ARHGAP25: variants seen among roughly 807,000 people sequenced by gnomAD.
ARHGAP25 encodes the protein Rho GTPase activating protein 25, also known as rho GTPase-activating protein 25.
A neutral mutation model predicts 71.0 loss-of-function variants in ARHGAP25; 34 were observed. The observed-to-expected ratio is 0.48, with a 90% CI of 0.36 to 0.64. ARHGAP25 has a LOEUF of 0.64. Among genes scored for constraint, ARHGAP25 ranks in the 30% least tolerant of loss-of-function variants. The pLI is 0.00. For missense variants in ARHGAP25, 706 were observed against 805.1 expected, an observed-to-expected ratio of 0.88 and a Z score of 1.49; for synonymous variants, 282 against 296.5, an observed-to-expected ratio of 0.95 and a Z score of 0.50.
chr2:68,826,044 G>T lies in ARHGAP25; in HGVS notation c.1791G>T (p.Leu597=), dbSNP rs754580609. Residue 597 remains leucine, a synonymous_variant, in exon 11 of 11, where the codon CTG becomes CTT. Coordinates refer to ENST00000409202, the MANE Select transcript of ARHGAP25 (RefSeq NM_001007231.3). ...WAKVVRLNEE[L]EKEKKKSAAL... is the part of the protein sequence containing the mutation. Reference sequence around the variant, plus strand: ...AAGTGGTGAGGCTCAATGAAGAACTGGAGAAGGAAAAGAAGAAGTCTGCAG... The same window carrying T: ...AAGTGGTGAGGCTCAATGAAGAACTTGAGAAGGAAAAGAAGAAGTCTGCAG... 9 of 1,614,036 alleles carry T rather than the reference G, an allele frequency of 5.6e-6. No homozygotes were observed. The highest frequency in any genetic ancestry group is 4.5e-5 in the East Asian group (2 of 44,882).
intron 2 of ARHGAP25, among the ~76,000 whole-genome samples, chr2:68,722,806 G>A (rs1159227991): frequency 6.6e-6 from 1 of 152,068 alleles, no homozygotes; most frequent in Admixed American, 6.5e-5. Flanking sequence ...GAGCCCTCAA[G>A]GACAGCTTTG....
chr2:68,733,466 C>G (rs1422589709), upstream of ARHGAP25, among the ~76,000 whole-genome samples: 1 of 152,078 alleles, frequency 6.6e-6, no homozygotes, highest in African/African-American at 2.4e-5. Context: ...GACTCTAGCC[C>G]AAGGGGGTGG....
chr2:68,811,641 A>C (rs1056501492), intron 5 of ARHGAP25, among the ~76,000 whole-genome samples: 3 of 37,792 alleles, frequency 7.9e-5, no homozygotes, highest in Admixed American at 3.7e-4. Flanking sequence ...CACAGGCTGC[A>C]AAGGGGAAGC....
At position 68,776,695 on chromosome 2, in the gene ARHGAP25, G is replaced by A. The variant is rs140818477; in HGVS notation, c.261+1275G>A. Among the ~76,000 whole-genome samples the A allele has an allele frequency of 1.5e-3, 231 of 152,298 alleles. 1 individual carries two copies. The highest frequency in any genetic ancestry group is 5.0e-3 in the African/African-American group (209 of 41,558). ...CCAGGACCCCAGGTGCAAACTGGAT[G>A]TCTCAGGGCATCCAGCACAGCTGTC... On this transcript the variant is annotated intron_variant, in intron 2 of 10. Transcript: ENST00000409202.
intron 1 of ARHGAP25, among the ~76,000 whole-genome samples, chr2:68,766,005 G>A (rs772526694): frequency 6.6e-6 from 1 of 152,194 alleles, no homozygotes; most frequent in Non-Finnish European, 1.5e-5. Flanking sequence ...GGTCCTTCCT[G>A]TGAATTACTC....
At chr2:68,762,755 G>A (rs1246579614) in intron 1 of ARHGAP25, among the ~76,000 whole-genome samples, 1 of 152,136 alleles carries the variant, frequency 6.6e-6, no homozygotes, top group East Asian at 1.9e-4. Flanking sequence ...AACTGTGAAG[G>A]AGTGGCCAGC....
intron 4 of ARHGAP25, among the ~76,000 whole-genome samples, chr2:68,806,633 G>C (rs992028879): frequency 6.6e-6 from 1 of 152,248 alleles, no homozygotes; most frequent in African/African-American, 2.4e-5. Flanking sequence ...GCTGGACCGA[G>C]CGGGACCGCG....
Position 68,735,187 on chromosome 2 carries a change from A to C in ARHGAP25, c.-13A>C, listed in dbSNP as rs368595547. The C allele has an allele frequency of 1.1e-5, 17 of 1,613,072 alleles. No homozygotes were observed. The highest frequency in any genetic ancestry group is 1.3e-5 in the African/African-American group (1 of 74,890). ...CACCGCTTCACTAACTACTCACTTA[A>C]ACTGGAAGCAAAATGTCCCTAAAAT... is the stretch of plus-strand genomic sequence containing the variant. On this transcript the variant is annotated 5_prime_UTR_variant, in exon 1 of 11. Transcript: ENST00000409202.
At chr2:68,730,471 C>T (rs1314454533), upstream of ARHGAP25, among the ~76,000 whole-genome samples, 6 of 151,976 alleles carry the variant, frequency 3.9e-5, no homozygotes, top group African/African-American at 1.5e-4. Context: ...TAGTGAGACC[C>T]CCATCTCTAC....
chr2:68,818,071 C>T, intron 8 of ARHGAP25, 77 bp downstream of exon 8: 1 of 1,561,134 alleles, frequency 6.4e-7, no homozygotes, highest in Non-Finnish European at 8.8e-7. Context: ...TTGTGCACTG[C>T]TCTGTAGTTT....
intron 7 of ARHGAP25, 132 bp from the exon 8 acceptor site, chr2:68,817,741 G>A: frequency 8.8e-7 from 1 of 1,141,430 alleles, no homozygotes. Context: ...CTTGTGGGCA[G>A]AGCAGGCTGG....
In ARHGAP25 at chr2:68,813,432, GAGTT is replaced by G; in HGVS notation, c.807+18_807+21del. The G allele has an allele frequency of 6.2e-7, 1 of 1,609,016 alleles. No homozygotes were observed. The highest frequency in any genetic ancestry group is 8.5e-7 in the Non-Finnish European group (1 of 1,178,368). Reference sequence around the variant, plus strand: ...GGATGAGGCAAAGGTTTGCATCTTAGAGTTAGTTGTCCTGCCTTAGAAGAAAGTG... The same window carrying G: ...GGATGAGGCAAAGGTTTGCATCTTAGAGTTGTCCTGCCTTAGAAGAAAGTG... On this transcript the variant is annotated intron_variant, in intron 6 of 10. Coordinates refer to ENST00000409202, the MANE Select transcript of ARHGAP25 (RefSeq NM_001007231.3).
intron 4 of ARHGAP25, among the ~76,000 whole-genome samples, chr2:68,798,205 T>C (rs1279453359): frequency 1.3e-5 from 2 of 152,222 alleles, no homozygotes; most frequent in South Asian, 4.1e-4. Flanking sequence ...TTTTCTCCTT[T>C]CATTCTTTTA....
intron 1 of ARHGAP25, among the ~76,000 whole-genome samples, chr2:68,750,046 G>A (rs4255988): frequency 0.83 from 125,790 of 152,070 alleles, 52,184 homozygotes; most frequent in Non-Finnish European, 0.84. Context: ...TTGCTCTGTC[G>A]CCCAGTCTGG....
Position 68,822,432 on chromosome 2 carries a change from A to G in ARHGAP25, c.1293A>G (p.Gly431=). The change falls in exon 10 of 11, where the codon GGA becomes GGG. Residue 431 remains glycine, a synonymous_variant. Transcript: ENST00000409202. ...DSSKVPREKP[G]DWKMQSRKRT... ...GCAAAGTACCCAGGGAAAAGCCAGG[A>G]GACTGGAAAATGCAATCTCGTAAAA... The G allele has an allele frequency of 6.2e-7, 1 of 1,614,200 alleles. No individual in the cohort carries two copies. The highest frequency in any genetic ancestry group is 8.5e-7 in the Non-Finnish European group (1 of 1,180,028).
intron 1 of ARHGAP25, among the ~76,000 whole-genome samples, chr2:68,771,478 C>T (rs1677487659): frequency 6.6e-6 from 1 of 152,182 alleles, no homozygotes; most frequent in South Asian, 2.1e-4. Flanking sequence ...AAGTCCCACC[C>T]ACAAAGAAGA....
intron 4 of ARHGAP25, among the ~76,000 whole-genome samples, chr2:68,789,592 T>C (rs530199696): frequency 1.3e-5 from 2 of 152,286 alleles, no homozygotes; most frequent in South Asian, 4.1e-4. Context: ...TGGAAAATCT[T>C]AGCTGTGACC....
At chr2:68,737,842 A>T (rs373384229) in intron 1 of ARHGAP25, among the ~76,000 whole-genome samples, 1 of 152,278 alleles carries the variant, frequency 6.6e-6, no homozygotes, top group Middle Eastern at 3.4e-3. Flanking sequence ...TTGATGAGCT[A>T]TGCTTCCAGT....
rs552199866 is a variant in ARHGAP25 at position 68,741,696 on chromosome 2, A to G, written c.61+6436A>G. On this transcript the variant is annotated intron_variant, in intron 1 of 10. Transcript: ENST00000409202. ...GCTGGGATTATATGCATGAGCCACCACACTCAGCTTCAGATTTCCTACTTT... is the reference window on the plus strand; with the variant it reads ...GCTGGGATTATATGCATGAGCCACCGCACTCAGCTTCAGATTTCCTACTTT... Among the ~76,000 whole-genome samples the G allele has an allele frequency of 6.6e-5, 10 of 152,328 alleles. No individual in the cohort carries two copies. The South Asian group carries it at 2.1e-3, about 32-fold the overall frequency.
Sources: allele counts gnomAD v4.1 joint callset (sites outside exome capture counted in the v4.1 genomes callset), GRCh38; gene constraint gnomAD v4.1.1; transcripts MANE v1.5; gene names NCBI Gene and HGNC (gene_info 2026-07-23, HGNC 2026-07-21).